The following CNTN6 variants were observed in gnomAD, a reference collection of about 807,000 sequenced individuals.
The protein encoded by CNTN6 is contactin-6.
CNTN6 carries 137 observed loss-of-function variants against 122.8 expected under a neutral mutation model. That is an observed-to-expected ratio of 1.12 (90% CI 0.97 to 1.29). CNTN6 has a LOEUF of 1.29. Ranked by LOEUF, CNTN6 falls within the 50% of genes most tolerant of loss-of-function variation. The pLI, the probability that CNTN6 is intolerant of heterozygous loss-of-function variation, is 0.00. For synonymous variants in CNTN6, 570 were observed against 426.0 expected (o/e 1.34, Z -4.16); for missense variants, 1,634 against 1,223.4 (o/e 1.34, Z -5.01).
intron 12 of CNTN6, among the ~76,000 whole-genome samples, chr3:1,354,536 GACTTAC>G (rs995157543): frequency 4.6e-5 from 7 of 151,174 alleles, no homozygotes; most frequent in Non-Finnish European, 7.4e-5. Context: ...CTGTATAACT[GACTTAC>G]TTATTATGGT....
chr3:1,220,719 C>G lies in CNTN6; in HGVS notation c.88C>G (p.Gln30Glu), dbSNP rs1559539403. 6.2e-7 allele frequency: 1 copy of G among 1,612,678 alleles called. No individual in the cohort carries two copies. The highest frequency in any genetic ancestry group is 2.2e-5 in the East Asian group (1 of 44,830). The change falls in exon 3 of 23, where the codon CAG becomes GAG. Residue 30 changes from glutamine to glutamate, a missense_variant. By Grantham distance (29) the Gln-to-Glu change is conservative (BLOSUM62 2). Coordinates refer to ENST00000446702, the MANE Select transcript of CNTN6 (RefSeq NM_001289080.2). The part of the protein sequence containing the change: ...DGLLSRPIFT[Q>E]EPHDVIFPLD... ...TCTTTTAAGCCGTCCTATTTTTACT[C>G]AGGAGCCACATGATGTCATTTTTCC...
intron 17 of CNTN6, among the ~76,000 whole-genome samples, chr3:1,379,669 CCT>C (rs1481069057): frequency 6.6e-6 from 1 of 152,172 alleles, no homozygotes; most frequent in Non-Finnish European, 1.5e-5. Context: ...AAAGCCACTT[CCT>C]CTGTGTTTAT....
chr3:1,325,297 A>C (rs748667064), intron 8 of CNTN6, among the ~76,000 whole-genome samples: 24 of 151,960 alleles, frequency 1.6e-4, no homozygotes, highest in Non-Finnish European at 2.4e-4. Flanking sequence ...TATCTAGGAA[A>C]AAAGAATACT....
intron 12 of CNTN6, among the ~76,000 whole-genome samples, chr3:1,369,421 A>G (rs1280493676): frequency 7.1e-6 from 1 of 141,266 alleles, no homozygotes; most frequent in Non-Finnish European, 1.5e-5. Context: ...CCCTATCTTG[A>G]CTCCAGTACT....
chr3:1,334,306 C>T (rs539203339), intron 11 of CNTN6, among the ~76,000 whole-genome samples: 8 of 151,826 alleles, frequency 5.3e-5, no homozygotes, highest in East Asian at 1.9e-4. Context: ...TTAGAAAACA[C>T]GGGTTGTGGT....
At chr3:1,347,982 C>T (rs1451899417) in intron 11 of CNTN6, among the ~76,000 whole-genome samples, 1 of 151,660 alleles carries the variant, frequency 6.6e-6, no homozygotes, top group Non-Finnish European at 1.5e-5. Context: ...GTTTATTCCT[C>T]ATGGAGTTAT....
rs1198494236 is a variant in CNTN6 at position 1,227,242 on chromosome 3, T to A, written c.183-576T>A. Among the ~76,000 whole-genome samples, 4 of 152,186 alleles carry A rather than the reference T, an allele frequency of 2.6e-5. No individual in the cohort carries two copies. In the East Asian group the frequency reaches 7.7e-4, roughly 29 times the overall value. Reference sequence around the variant, plus strand: ...CAGCATTTGCTTTGCTAAAGTATAATTTTAGTTTGGCATTTCTAAGTACCA... The same window carrying A: ...CAGCATTTGCTTTGCTAAAGTATAAATTTAGTTTGGCATTTCTAAGTACCA... On this transcript the variant is annotated intron_variant, in intron 3 of 22. Transcript: ENST00000446702.
intron 11 of CNTN6, among the ~76,000 whole-genome samples, chr3:1,350,721 G>A (rs528973529): frequency 6.6e-6 from 1 of 151,792 alleles, no homozygotes; most frequent in Non-Finnish European, 1.5e-5. Context: ...TTTCTTGGTG[G>A]CCTTTAGATA....
Position 1,245,258 on chromosome 3 carries a change from C to CAT in CNTN6, c.358+17281_358+17282dup, listed in dbSNP as rs545041480. ...TATACACACACACATATATATATAA[C>CAT]ATATATATATATATATACACACACA... On this transcript the variant is annotated intron_variant, in intron 4 of 22. Transcript: ENST00000446702. Among the ~76,000 whole-genome samples the CAT allele has an allele frequency of 1.5e-3, 6 of 3,946 alleles. 1 individual carries two copies. Among genetic ancestry groups the CAT allele is most frequent in the African/African-American group, 4.0e-3 (5 of 1,244 alleles). The allele number at this position is 3,946 out of a possible 152,430, so 2.6% of individuals were successfully genotyped here. A position where few individuals can be genotyped will look rare whatever the true frequency, so the allele number is the denominator to read the frequency against.
At chr3:1,306,060 A>T (rs2125908937) in intron 7 of CNTN6, among the ~76,000 whole-genome samples, 1 of 152,306 alleles carries the variant, frequency 6.6e-6, no homozygotes, top group South Asian at 2.1e-4. Context: ...GAAATTTTTC[A>T]GTTCCTTAGC....
chr3:1,342,547 C>T (rs182428882), intron 11 of CNTN6, among the ~76,000 whole-genome samples: 1 of 152,168 alleles, frequency 6.6e-6, no homozygotes, highest in Admixed American at 6.5e-5. Context: ...TCCTTTCCCT[C>T]TTCCTACGGC....
At chr3:1,098,195 C>T (rs1055612417) in intron 1 of CNTN6, among the ~76,000 whole-genome samples, 6 of 151,668 alleles carry the variant, frequency 4.0e-5, no homozygotes, top group East Asian at 3.9e-4. Flanking sequence ...TGTAACTAAC[C>T]TGCACATTGT....
At chr3:1,167,782 C>A (rs1304133598) in intron 2 of CNTN6, among the ~76,000 whole-genome samples, 1 of 152,144 alleles carries the variant, frequency 6.6e-6, no homozygotes, top group Non-Finnish European at 1.5e-5. Context: ...CTAGATTCAA[C>A]CGCTGTTCAA....
At chr3:1,305,076 C>T (rs549581959) in intron 7 of CNTN6, among the ~76,000 whole-genome samples, 34 of 147,188 alleles carry the variant, frequency 2.3e-4, no homozygotes, top group Non-Finnish European at 4.5e-4. Context: ...TTTTCAAAAA[C>T]ATCAAAAATC....
At chr3:1,222,908 A>G (rs1484993926) in intron 3 of CNTN6, among the ~76,000 whole-genome samples, 1 of 152,244 alleles carries the variant, frequency 6.6e-6, no homozygotes, top group Admixed American at 6.5e-5. Flanking sequence ...CTCATAGACA[A>G]GAAACTATGG....
chr3:1,126,414 G>C (rs2092160792), intron 1 of CNTN6, among the ~76,000 whole-genome samples: 1 of 151,826 alleles, frequency 6.6e-6, no homozygotes, highest in Non-Finnish European at 1.5e-5. Context: ...AGAATGTTCA[G>C]TTTGACCTTT....
intron 2 of CNTN6, among the ~76,000 whole-genome samples, chr3:1,198,922 T>G (rs1037518709): frequency 2.6e-5 from 4 of 152,152 alleles, no homozygotes; most frequent in African/African-American, 9.7e-5. Context: ...TTAAATTCAG[T>G]GGCTGATGTC....
At chr3:1,348,727 G>A (rs1288038775) in intron 11 of CNTN6, among the ~76,000 whole-genome samples, 1 of 151,934 alleles carries the variant, frequency 6.6e-6, no homozygotes, top group African/African-American at 2.4e-5. Context: ...AGAAAGATAT[G>A]GTTAGAATCT....
At chr3:1,397,881 G>A (rs1248075692) in intron 20 of CNTN6, among the ~76,000 whole-genome samples, 1 of 152,098 alleles carries the variant, frequency 6.6e-6, no homozygotes, top group African/African-American at 2.4e-5. Context: ...GTTACTTAGA[G>A]GTGTAACATA....
Sources: allele counts gnomAD v4.1 joint callset (sites outside exome capture counted in the v4.1 genomes callset), GRCh38; gene constraint gnomAD v4.1.1; transcripts MANE v1.5; gene names NCBI Gene and HGNC (gene_info 2026-07-23, HGNC 2026-07-21).